Variants in EYA1 observed in about 807,000 individuals in gnomAD.
EYA1 encodes EYA transcriptional coactivator and phosphatase 1.
A neutral mutation model predicts 82.0 loss-of-function variants in EYA1; 16 were observed. The observed-to-expected ratio is 0.20, with a 90% CI of 0.13 to 0.30. EYA1 has a LOEUF of 0.30. Ranked by LOEUF, EYA1 falls within the 10% of genes least tolerant of loss-of-function variation. The pLI is 1.00. For missense variants in EYA1, 633 were observed against 730.7 expected (o/e 0.87, Z 1.54); for synonymous variants, 261 against 264.4 (o/e 0.99, Z 0.12).
At chr8:71,215,145 T>C (rs1809022279) in intron 16 of EYA1, among the ~76,000 whole-genome samples, 1 of 152,228 alleles carries the variant, frequency 6.6e-6, no homozygotes, top group Non-Finnish European at 1.5e-5. Context: ...GCTGTTACTC[T>C]ACCTAAAATG....
chr8:71,420,037 T>C (rs927517824), intron 2 of EYA1, among the ~76,000 whole-genome samples: 1 of 152,130 alleles, frequency 6.6e-6, no homozygotes, highest in Non-Finnish European at 1.5e-5. Context: ...TGCACCTTCC[T>C]TGAAAAGAAA....
chr8:71,265,159 T>C (rs937291833), intron 11 of EYA1, among the ~76,000 whole-genome samples: 3 of 146,928 alleles, frequency 2.0e-5, no homozygotes, highest in African/African-American at 7.9e-5. Flanking sequence ...AGTTTTTGTT[T>C]TTGTTTTGTT....
chr8:71,522,177 C>A (rs1430770573), intron 2 of EYA1, among the ~76,000 whole-genome samples: 1 of 152,150 alleles, frequency 6.6e-6, no homozygotes, highest in East Asian at 1.9e-4. Flanking sequence ...AAAGGAACAG[C>A]CGAGAGCATT....
chr8:71,524,479 T>C (rs1268553249), intron 2 of EYA1, among the ~76,000 whole-genome samples: 2 of 152,218 alleles, frequency 1.3e-5, no homozygotes, highest in Non-Finnish European at 2.9e-5. Flanking sequence ...GTATTAAAGT[T>C]AATACCTGAA....
rs536360629 is a variant in EYA1 at position 71,368,892 on chromosome 8, T to C, written c.34-12381A>G. Among the ~76,000 whole-genome samples, 155 of 151,994 alleles carry C rather than the reference T, an allele frequency of 1.0e-3. 1 individual carries two copies. The highest frequency in any genetic ancestry group is 3.5e-3 in the African/African-American group (147 of 41,480). ...AGGAAAAAAAATTAGACATTTCACA[T>C]TAAGATCTTCTTAAGGCCGGGCGCG... On this transcript the variant is annotated intron_variant, in intron 2 of 18. Coordinates refer to the EYA1 transcript ENST00000643681.
At chr8:71,512,976 G>A (rs1428609245) in intron 2 of EYA1, among the ~76,000 whole-genome samples, 2 of 152,136 alleles carry the variant, frequency 1.3e-5, no homozygotes, top group Non-Finnish European at 2.9e-5. Context: ...AAGGTGGAAA[G>A]ATTAAGTTGA....
At chr8:71,208,647 G>A (rs1808126147) in intron 17 of EYA1, among the ~76,000 whole-genome samples, 1 of 152,058 alleles carries the variant, frequency 6.6e-6, no homozygotes, top group African/African-American at 2.4e-5. Context: ...GTTGACGGAT[G>A]CAGCAAACCA....
In EYA1 at chr8:71,481,700, T is replaced by G. The variant is rs186399151; in HGVS notation, c.33+54044A>C. ...GAGTTCTCTGTTATATTCTATCCCC[T>G]ACTTTTCCCGTAGAGCTGTATAATC... On this transcript the variant is annotated intron_variant, in intron 2 of 18. Coordinates refer to the EYA1 transcript ENST00000643681. Among the ~76,000 whole-genome samples the G allele has an allele frequency of 2.6e-5, 4 of 152,274 alleles. No individual in the cohort carries two copies. The East Asian group carries it at 7.7e-4, about 29-fold the overall frequency.
At position 71,344,010 on chromosome 8, in the gene EYA1, C is replaced by T. The variant is rs114224231; in HGVS notation, c.125-9836G>A. ...TGTTACTATATTTGCTTTTCTGTGT[C>T]TATCCTTCAAAAAACCATCTTATTT... On this transcript the variant is annotated intron_variant, in intron 3 of 17. Coordinates refer to ENST00000340726, the MANE Select transcript of EYA1 (RefSeq NM_000503.6). 7.8e-3 allele frequency among the ~76,000 whole-genome samples: 1,187 copies of T among 152,214 alleles called. 14 individuals are homozygous for T. The highest frequency in any genetic ancestry group is 0.026 in the African/African-American group (1,087 of 41,556).
intron 11 of EYA1, among the ~76,000 whole-genome samples, chr8:71,267,692 G>A (rs956259767): frequency 3.9e-5 from 6 of 152,084 alleles, no homozygotes; most frequent in Non-Finnish European, 7.4e-5. Flanking sequence ...GGGACTACAG[G>A]CACCTGCCAC....
chr8:71,455,900 T>C (rs1338315599), intron 2 of EYA1, among the ~76,000 whole-genome samples: 1 of 152,192 alleles, frequency 6.6e-6, no homozygotes, highest in Non-Finnish European at 1.5e-5. Flanking sequence ...TTGGAAGTTC[T>C]GCCCAGGGCA....
chr8:71,505,834 G>A (rs528194123), intron 2 of EYA1, among the ~76,000 whole-genome samples: 13 of 152,262 alleles, frequency 8.5e-5, no homozygotes, highest in African/African-American at 2.6e-4. Flanking sequence ...ATCTTGAAGC[G>A]TAATCTTCAT....
chr8:71,492,510 G>A (rs1811082458), intron 2 of EYA1, among the ~76,000 whole-genome samples: 1 of 150,418 alleles, frequency 6.6e-6, no homozygotes, highest in African/African-American at 2.4e-5. Context: ...TGTTGCCCAG[G>A]CTGGAGTGCA....
chr8:71,210,370 G>T (rs1476299220), intron 17 of EYA1, among the ~76,000 whole-genome samples: 1 of 152,182 alleles, frequency 6.6e-6, no homozygotes, highest in Non-Finnish European at 1.5e-5. Context: ...AAGCTGTGGG[G>T]CATGGTCAAG....
At position 71,333,795 on chromosome 8, in the gene EYA1, G is replaced by A. The variant is rs112285300; in HGVS notation, c.202+302C>T. On this transcript the variant is annotated intron_variant, in intron 4 of 17. Coordinates refer to ENST00000340726, the MANE Select transcript of EYA1 (RefSeq NM_000503.6). ...AAAAATAATACATCTAAGAGAGAAC[G>A]GGGGAGGAGTCACCAGCACAGTAAA... 4.6e-5 allele frequency among the ~76,000 whole-genome samples: 7 copies of A among 152,230 alleles called. No homozygotes were observed. In the East Asian group the frequency reaches 7.7e-4, roughly 17 times the overall value.
intron 2 of EYA1, among the ~76,000 whole-genome samples, chr8:71,375,421 G>C (rs542178286): frequency 6.6e-6 from 1 of 152,280 alleles, no homozygotes; most frequent in East Asian, 1.9e-4. Flanking sequence ...GGCAGTATTT[G>C]TGTGTGAATG....
chr8:71,492,678 G>A (rs1295980661), intron 2 of EYA1, among the ~76,000 whole-genome samples: 3 of 152,016 alleles, frequency 2.0e-5, no homozygotes, highest in Non-Finnish European at 4.4e-5. Context: ...TGTTAGCCAG[G>A]ATGGTCTCAA....
chr8:71,547,615 C>G (rs1423557498), intron 1 of EYA1: 10 of 151,876 alleles, frequency 6.6e-5, no homozygotes, highest in Admixed American at 6.6e-4. Context: ...TCCCGGGCGC[C>G]GATCGCCGCC....
intron 2 of EYA1, among the ~76,000 whole-genome samples, chr8:71,369,023 C>T (rs1234710048): frequency 1.2e-5 from 1 of 80,464 alleles, no homozygotes; most frequent in East Asian, 2.9e-4. Flanking sequence ...TCTGTCTCTA[C>T]TAAAAATACA....
Sources: gnomAD v4.1 joint callset for allele counts (sites outside exome capture counted in the v4.1 genomes callset) on GRCh38, gnomAD v4.1.1 for gene constraint, MANE v1.5 for transcripts, NCBI Gene and HGNC (gene_info 2026-07-23, HGNC 2026-07-21) for gene names.